The following ITPRID1 variants were observed in gnomAD, a reference collection of about 807,000 sequenced individuals.
The protein encoded by ITPRID1 is protein ITPRID1.
A neutral mutation model predicts 95.4 loss-of-function variants in ITPRID1; 96 were observed. That is an observed-to-expected ratio of 1.01 (90% CI 0.85 to 1.19). ITPRID1 has a LOEUF of 1.19. Among genes scored for constraint, ITPRID1 ranks in the 50% most tolerant of loss-of-function variants. The pLI, the probability that ITPRID1 is intolerant of heterozygous loss-of-function variation, is 0.00. For synonymous variants in ITPRID1, 510 were observed against 453.6 expected (o/e 1.12, Z -1.58); for missense variants, 1,339 against 1,252.9 (o/e 1.07, Z -1.04).
intron 10 of ITPRID1, among the ~76,000 whole-genome samples, chr7:31,596,941 AC>A (rs1258980827): frequency 1.3e-5 from 2 of 151,978 alleles, no homozygotes; most frequent in African/African-American, 4.8e-5. Context: ...TCTAACAAGA[AC>A]CATGTTTTTT....
chr7:31,615,821 T>C (rs1248706153), intron 10 of ITPRID1, among the ~76,000 whole-genome samples: 5 of 151,888 alleles, frequency 3.3e-5, no homozygotes, highest in Non-Finnish European at 7.4e-5. Flanking sequence ...TGGTGCAATC[T>C]TGGCTCACTG....
chr7:31,575,408 T>C (rs1583519021), intron 8 of ITPRID1, among the ~76,000 whole-genome samples: 1 of 152,246 alleles, frequency 6.6e-6, no homozygotes, highest in African/African-American at 2.4e-5. Context: ...GGCATGTTGC[T>C]GTACTTCTTC....
At chr7:31,542,782 T>C (rs1310787543) in intron 1 of ITPRID1, among the ~76,000 whole-genome samples, 2 of 152,182 alleles carry the variant, frequency 1.3e-5, no homozygotes, top group Non-Finnish European at 2.9e-5. Flanking sequence ...GAGATAAGTA[T>C]GGAATTGCTT....
intron 10 of ITPRID1, among the ~76,000 whole-genome samples, chr7:31,614,112 C>T (rs1373909520): frequency 6.6e-6 from 1 of 152,124 alleles, no homozygotes. Flanking sequence ...TTCCCTCTAC[C>T]ACACAATGTT....
At chr7:31,618,623 C>T (rs1192159686) in intron 10 of ITPRID1, among the ~76,000 whole-genome samples, 1 of 152,116 alleles carries the variant, frequency 6.6e-6, no homozygotes, top group Non-Finnish European at 1.5e-5. Context: ...CATAAACTCC[C>T]CTCCATTAAT....
intron 10 of ITPRID1, among the ~76,000 whole-genome samples, chr7:31,597,422 T>A (rs141714229): frequency 0.021 from 3,222 of 151,564 alleles, 109 homozygotes; most frequent in African/African-American, 0.073. Context: ...GTTTGTTGGA[T>A]ATGAGAGCAA....
intron 1 of ITPRID1, among the ~76,000 whole-genome samples, chr7:31,544,929 A>G (rs1373866060): frequency 6.6e-6 from 1 of 152,174 alleles, no homozygotes; most frequent in Non-Finnish European, 1.5e-5. Flanking sequence ...GTTATTGCTA[A>G]TCATCCACTG....
At chr7:31,530,261 C>T (rs1412386132) in intron 1 of ITPRID1, among the ~76,000 whole-genome samples, 2 of 151,898 alleles carry the variant, frequency 1.3e-5, no homozygotes, top group Non-Finnish European at 2.9e-5. Context: ...TTTTGTCTTT[C>T]TTGCTTACCT....
At chr7:31,599,629 CTTT>C (rs1562598675) in intron 10 of ITPRID1, among the ~76,000 whole-genome samples, 18 of 82,048 alleles carry the variant, frequency 2.2e-4, no homozygotes, top group African/African-American at 7.7e-4. Context: ...TTCTTTCTTT[CTTT>C]CTTTCTTTCT....
chr7:31,561,177 G>A (rs2128139641), intron 5 of ITPRID1, among the ~76,000 whole-genome samples: 1 of 152,298 alleles, frequency 6.6e-6, no homozygotes, highest in African/African-American at 2.4e-5. Flanking sequence ...GATAGTAGAA[G>A]AATTGGAGAC....
At chr7:31,629,043 A>T (rs1294642737) in intron 10 of ITPRID1, among the ~76,000 whole-genome samples, 1 of 152,206 alleles carries the variant, frequency 6.6e-6, no homozygotes, top group East Asian at 1.9e-4. Flanking sequence ...ACAAAATTTG[A>T]AACCTATCTA....
chr7:31,642,797 A>C lies in ITPRID1; in HGVS notation c.1427A>C (p.Asp476Ala), dbSNP rs1376731453. 1 of 1,613,886 alleles carries C rather than the reference A, an allele frequency of 6.2e-7. No homozygotes were observed. Among genetic ancestry groups the C allele is most frequent in the Non-Finnish European group, 8.5e-7 (1 of 1,179,888 alleles). Reference protein sequence around the residue: ...QDCQLESDGPDSKSRASMSFS... With the variant: ...QDCQLESDGPASKSRASMSFS... ...TGTCAGCTAGAGTCGGATGGGCCAG[A>C]TTCCAAAAGTAGGGCGAGCATGTCT... The change falls in exon 12 of 15, where the codon GAT becomes GCT. Residue 476 changes from aspartate to alanine, a missense_variant. By Grantham distance (126) the Asp-to-Ala change is moderately radical (BLOSUM62 -2). Coordinates refer to ENST00000615280, the MANE Select transcript of ITPRID1 (RefSeq NM_001257967.3).
chr7:31,651,385 G>C, intron 13 of ITPRID1, 116 bp downstream of exon 13: 1 of 1,219,376 alleles, frequency 8.2e-7, no homozygotes. Flanking sequence ...AAACCGGCCA[G>C]CTTTTCCTTT....
chr7:31,535,272 C>A (rs1021695537), intron 1 of ITPRID1, among the ~76,000 whole-genome samples: 1 of 151,930 alleles, frequency 6.6e-6, no homozygotes, highest in Non-Finnish European at 1.5e-5. Flanking sequence ...TGGTATACTT[C>A]GAAATATCAC....
In ITPRID1 at chr7:31,617,611, A is replaced by G. The variant is rs952015819; in HGVS notation, c.1229-24565A>G. 3.3e-5 allele frequency among the ~76,000 whole-genome samples: 5 copies of G among 150,422 alleles called. No individual in the cohort carries two copies. The South Asian group carries it at 8.6e-4, about 26-fold the overall frequency. On this transcript the variant is annotated intron_variant, in intron 10 of 14. Transcript: ENST00000615280. ...CCATTAACAGCAGCTCTTTAGAGAC[A>G]ACTTTTACCTTCTAAATGATTTAAT...
chr7:31,652,927 C>T lies in ITPRID1; in HGVS notation c.*98C>T. ...TTCCCCAAGGAGAAGGGTCTGCCAA[C>T]CCATTGTCAGCTATATCTCTCATAT... is the stretch of plus-strand genomic sequence containing the variant. On this transcript the variant is annotated 3_prime_UTR_variant, in exon 15 of 15. Transcript: ENST00000615280. 6.6e-7 allele frequency: 1 copy of T among 1,525,436 alleles called. No individual in the cohort carries two copies. The highest frequency in any genetic ancestry group is 8.8e-7 in the Non-Finnish European group (1 of 1,137,224). 94.5% of individuals were successfully genotyped at this position (1,525,436 alleles called of 1,614,324 possible).
In ITPRID1 at chr7:31,536,671, T is replaced by A. The variant is rs191271184; in HGVS notation, c.-97-12755T>A. ...TATAGAGCACTGAATCAATCTAGTC[T>A]GTAGTCTTGCTGGGTCTTGGATTTG... On this transcript the variant is annotated intron_variant, in intron 1 of 14. Transcript: ENST00000615280. 2.3e-3 allele frequency among the ~76,000 whole-genome samples: 356 copies of A among 152,338 alleles called. 1 individual carries two copies. The highest frequency in any genetic ancestry group is 7.9e-3 in the African/African-American group (330 of 41,592).
At chr7:31,627,252 A>G (rs1490046813) in intron 10 of ITPRID1, among the ~76,000 whole-genome samples, 1 of 152,256 alleles carries the variant, frequency 6.6e-6, no homozygotes, top group Non-Finnish European at 1.5e-5. Flanking sequence ...GTGAGACTAC[A>G]TCAAATAATT....
intron 5 of ITPRID1, among the ~76,000 whole-genome samples, chr7:31,556,796 A>G (rs1784461339): frequency 6.6e-6 from 1 of 152,088 alleles, no homozygotes; most frequent in Non-Finnish European, 1.5e-5. Context: ...GGGCAGCAGT[A>G]ACAAATTATC....
Sources: gnomAD v4.1 joint callset for allele counts (sites outside exome capture counted in the v4.1 genomes callset) on GRCh38, gnomAD v4.1.1 for gene constraint, MANE v1.5 for transcripts, NCBI Gene and HGNC (gene_info 2026-07-23, HGNC 2026-07-21) for gene names.